The following SCN11A variants were observed in gnomAD, a reference collection of about 807,000 sequenced individuals.
SCN11A encodes sodium channel protein type 11 subunit alpha.
In SCN11A, 122 loss-of-function variants were observed where a neutral mutation model predicts 162.2. The ratio of observed to expected loss-of-function variants is 0.75; its 90% CI spans 0.65 to 0.87. The LOEUF is 0.87. SCN11A is among the 40% of genes least tolerant of loss of function. The pLI is 0.00. For synonymous variants in SCN11A, 758 were observed against 751.5 expected, an observed-to-expected ratio of 1.01 and a Z score of -0.14; for missense variants, 2,015 against 2,181.6, an observed-to-expected ratio of 0.92 and a Z score of 1.52.
rs181280752 is a variant in SCN11A at position 39,031,080 on chromosome 3, C to A, written c.-280+1300G>T. ...GGTTTATGTGTCTCTAATATTGGGA[C>A]GTAAAATATATAGACAGAAGGAGAT... is the stretch of plus-strand genomic sequence containing the variant. On this transcript the variant is annotated intron_variant, in intron 2 of 29. Transcript: ENST00000302328. Among the ~76,000 whole-genome samples, 11 of 149,936 alleles carry A rather than the reference C, an allele frequency of 7.3e-5. No individual in the cohort carries two copies. In the East Asian group the frequency reaches 2.0e-3, roughly 27 times the overall value.
intron 7 of SCN11A, among the ~76,000 whole-genome samples, chr3:38,927,961 T>C (rs888863363): frequency 8.5e-5 from 13 of 152,134 alleles, no homozygotes; most frequent in Non-Finnish European, 1.6e-4. Context: ...CGGAATAGAA[T>C]AGAGAGCCCA....
At chr3:38,850,237 A>C (rs1266769511) in intron 29 of SCN11A, 1 of 464,770 alleles carries the variant, frequency 2.2e-6, no homozygotes, top group African/African-American at 2.0e-5. Flanking sequence ...CATTGAATAC[A>C]TTAGCTGCAT....
At chr3:38,863,837 G>C (rs570608614) in intron 27 of SCN11A, among the ~76,000 whole-genome samples, 1 of 151,982 alleles carries the variant, frequency 6.6e-6, no homozygotes, top group African/African-American at 2.4e-5. Flanking sequence ...AAATTTGGGG[G>C]CAAAATATTT....
At chr3:38,996,766 C>A (rs535112221) in intron 2 of SCN11A, among the ~76,000 whole-genome samples, 1 of 152,064 alleles carries the variant, frequency 6.6e-6, no homozygotes, top group Non-Finnish European at 1.5e-5. Context: ...TGTAAATTTG[C>A]GGTTTCTCCC....
rs181749992 is a variant in SCN11A, at chr3:38,946,989, T to A, written c.268-82A>T. On this transcript the variant is annotated intron_variant, in intron 5 of 29. Coordinates refer to ENST00000302328, the MANE Select transcript of SCN11A (RefSeq NM_001349253.2). Reference sequence around the variant, plus strand: ...TGCAGTGACAAAACAATATTTATCATGAATTCATTTAGAGAAAATTATAAC... The same window carrying A: ...TGCAGTGACAAAACAATATTTATCAAGAATTCATTTAGAGAAAATTATAAC... 353 of 801,736 alleles carry A rather than the reference T, an allele frequency of 4.4e-4. No individual in the cohort carries two copies. In the African/African-American group the frequency reaches 5.2e-3, roughly 12 times the overall value. 49.7% of individuals were successfully genotyped at this position (801,736 alleles called of 1,614,324 possible). A position where few individuals can be genotyped will look rare whatever the true frequency, so the allele number is the denominator to read the frequency against.
intron 2 of SCN11A, among the ~76,000 whole-genome samples, chr3:38,977,210 G>C (rs2066854898): frequency 6.6e-6 from 1 of 151,926 alleles, no homozygotes; most frequent in Non-Finnish European, 1.5e-5. Context: ...CTCCACTCTT[G>C]ACTTCCTAGT....
At chr3:38,867,633 G>A (rs1034498469) in intron 26 of SCN11A, among the ~76,000 whole-genome samples, 175 bp from the exon 27 acceptor site, 2 of 152,190 alleles carry the variant, frequency 1.3e-5, no homozygotes, top group Non-Finnish European at 2.9e-5. Flanking sequence ...TTGCAGCTCA[G>A]CTTGAGTGAT....
intron 2 of SCN11A, among the ~76,000 whole-genome samples, chr3:39,002,946 A>T (rs1210475325): frequency 6.6e-6 from 1 of 152,166 alleles, no homozygotes; most frequent in East Asian, 1.9e-4. Context: ...TAATTTAGAA[A>T]ATTAAAAGTT....
At chr3:38,943,748 T>C (rs555876014) in intron 7 of SCN11A, among the ~76,000 whole-genome samples, 18 of 151,852 alleles carry the variant, frequency 1.2e-4, no homozygotes, top group African/African-American at 4.1e-4. Flanking sequence ...CATTCATATA[T>C]GGGAACTGAA....
At position 38,894,858 on chromosome 3, in the gene SCN11A, T is replaced by C; in HGVS notation, c.2510A>G (p.Asp837Gly). Residue 837 changes from aspartate to glycine, a missense_variant, in exon 19 of 30, where the codon GAT becomes GGT. Transcript: ENST00000302328. The part of the protein sequence containing the change: ...ARKTKVQLAL[D>G]RFRRAFCFVR... ...AAAACAAAAAGCCCGGCGGAATCGA[T>C]CCAGTGCTAACTGGACTTTAGTTTT... is the stretch of plus-strand genomic sequence containing the variant. 3 of 1,614,200 alleles carry C rather than the reference T, an allele frequency of 1.9e-6. No individual in the cohort carries two copies. Among genetic ancestry groups the C allele is most frequent in the Non-Finnish European group, 1.7e-6 (2 of 1,180,022 alleles).
At position 38,846,777 on chromosome 3, in the gene SCN11A, C is replaced by T. The variant is rs146822068; in HGVS notation, c.5293G>A (p.Gly1765Arg). 1.6e-5 allele frequency: 26 copies of T among 1,613,912 alleles called. No homozygotes were observed. Among genetic ancestry groups the T allele is most frequent in the African/African-American group, 1.5e-4 (11 of 74,862 alleles). Residue 1765 changes from glycine to arginine, a missense_variant, in exon 30 of 30, where the codon GGG becomes AGG. By Grantham distance (125) the Gly-to-Arg change is moderately radical. Transcript: ENST00000302328. ...DQGDQNDLEN[G>R]PHSPLQTLCN... ...AGAGTCTGGAGTGGTGAATGAGGCC[C>T]GTTTTCCAAGTCATTTTGGTCACCT...
At chr3:38,996,019 G>T (rs889316715) in intron 2 of SCN11A, among the ~76,000 whole-genome samples, 1 of 152,042 alleles carries the variant, frequency 6.6e-6, no homozygotes, top group African/African-American at 2.4e-5. Context: ...ATGAGCGCGC[G>T]CTCTCTCTCT....
intron 7 of SCN11A, among the ~76,000 whole-genome samples, chr3:38,933,000 C>T (rs935999866): frequency 6.1e-4 from 90 of 148,288 alleles, no homozygotes; most frequent in African/African-American, 1.9e-3. Flanking sequence ...ACACCTCACA[C>T]GGCCGGGTAC....
At chr3:38,910,231 A>T (rs776330458) in intron 11 of SCN11A, 24 bp from the exon 12 acceptor site, 3 of 1,602,710 alleles carry the variant, frequency 1.9e-6, no homozygotes, top group Admixed American at 1.7e-5. Context: ...ACAAACAGAG[A>T]AATAATTATG....
intron 7 of SCN11A, among the ~76,000 whole-genome samples, chr3:38,931,458 A>G (rs552848028): frequency 6.6e-6 from 1 of 152,370 alleles, no homozygotes; most frequent in East Asian, 1.9e-4. Context: ...TACATGATTT[A>G]GAGAACACTT....
At chr3:39,013,275 A>T (rs2031199271) in intron 2 of SCN11A, among the ~76,000 whole-genome samples, 1 of 152,266 alleles carries the variant, frequency 6.6e-6, no homozygotes. Flanking sequence ...GGTATAACAA[A>T]CTAAGTGATC....
chr3:38,980,102 C>T, intron 2 of SCN11A, among the ~76,000 whole-genome samples: 1 of 152,138 alleles, frequency 6.6e-6, no homozygotes, highest in Admixed American at 6.5e-5. Flanking sequence ...GTGTTAGTCC[C>T]CACAGCTGAG....
intron 5 of SCN11A, 21 bp downstream of exon 5, chr3:38,950,075 C>CGCCCGCCCAATGAAGTACCCACCCCCCA (rs781548091): frequency 9.2e-6 from 1 of 109,110 alleles, no homozygotes; most frequent in African/African-American, 3.8e-5. Flanking sequence ...CCCCACCCCC[C>CGCCCGCCCAATGAAGTACCCACCCCCCA]CCCCCCGCCC....
chr3:39,037,923 A>G (rs2031947447), intron 1 of SCN11A, among the ~76,000 whole-genome samples: 1 of 152,230 alleles, frequency 6.6e-6, no homozygotes, highest in Admixed American at 6.5e-5. Flanking sequence ...TACATTTTGA[A>G]TAACGAAACC....
Sources: gnomAD v4.1 joint callset for allele counts (sites outside exome capture counted in the v4.1 genomes callset) on GRCh38, gnomAD v4.1.1 for gene constraint, MANE v1.5 for transcripts, NCBI Gene and HGNC (gene_info 2026-07-23, HGNC 2026-07-21) for gene names.